The following CATSPERB variants were observed in gnomAD, a reference collection of about 807,000 sequenced individuals.
CATSPERB encodes the protein cation channel sperm-associated auxiliary subunit beta.
Under a neutral mutation model 128.3 loss-of-function variants are expected in CATSPERB, and 93 were observed. The observed-to-expected ratio is 0.72, with a 90% CI of 0.61 to 0.86. The LOEUF (loss-of-function observed/expected upper bound fraction) is 0.86, where lower values mean the gene tolerates loss of function less well. Ranked by LOEUF, CATSPERB falls within the 40% of genes least tolerant of loss-of-function variation. The pLI is 0.00. For synonymous variants in CATSPERB, 381 were observed against 448.8 expected, an observed-to-expected ratio of 0.85 and a Z score of 1.91; for missense variants, 1,153 against 1,329.5, an observed-to-expected ratio of 0.87 and a Z score of 2.06.
intron 5 of CATSPERB, among the ~76,000 whole-genome samples, chr14:91,713,397 G>T (rs1044657095): frequency 3.3e-5 from 5 of 152,060 alleles, no homozygotes; most frequent in African/African-American, 4.8e-5. Flanking sequence ...GAAATCAAAA[G>T]ATGTCTCTTT....
intron 19 of CATSPERB, among the ~76,000 whole-genome samples, chr14:91,618,513 A>T (rs1458701750): frequency 6.6e-6 from 1 of 152,206 alleles, no homozygotes; most frequent in Non-Finnish European, 1.5e-5. Flanking sequence ...CCTGCTTCTC[A>T]AATGCTAATC....
intron 14 of CATSPERB, among the ~76,000 whole-genome samples, chr14:91,668,458 A>G (rs1031785483): frequency 1.3e-5 from 2 of 152,066 alleles, no homozygotes; most frequent in African/African-American, 4.8e-5. Context: ...TGTAAAATGG[A>G]CCAATCAGTG....
At chr14:91,600,118 T>A (rs1477392583) in intron 22 of CATSPERB, among the ~76,000 whole-genome samples, 1 of 152,246 alleles carries the variant, frequency 6.6e-6, no homozygotes, top group Non-Finnish European at 1.5e-5. Flanking sequence ...TCAATTCTTT[T>A]GGATATATCT....
chr14:91,583,595 C>G (rs1893246413), intron 26 of CATSPERB, among the ~76,000 whole-genome samples: 1 of 152,196 alleles, frequency 6.6e-6, no homozygotes, highest in Non-Finnish European at 1.5e-5. Flanking sequence ...AAATATTCCA[C>G]ACCATTTCTA....
intron 10 of CATSPERB, among the ~76,000 whole-genome samples, chr14:91,686,922 G>T (rs8018473): frequency 0.032 from 4,794 of 151,748 alleles, 280 homozygotes; most frequent in African/African-American, 0.11. Flanking sequence ...CTTGTAGCTG[G>T]AAAAAAGAAA....
At chr14:91,669,786 C>T (rs755098101) in intron 14 of CATSPERB, 28 bp downstream of exon 14, 1 of 1,590,532 alleles carries the variant, frequency 6.3e-7, no homozygotes, top group Non-Finnish European at 8.6e-7. Context: ...TTAACTCTAA[C>T]ACAGACTGAA....
At chr14:91,630,523 T>C (rs1222201866) in intron 17 of CATSPERB, among the ~76,000 whole-genome samples, 1 of 152,234 alleles carries the variant, frequency 6.6e-6, no homozygotes, top group Non-Finnish European at 1.5e-5. Flanking sequence ...CCTGCACTTT[T>C]CGTCTCGGAA....
At chr14:91,688,210 G>C (rs1458450339) in intron 10 of CATSPERB, among the ~76,000 whole-genome samples, 1 of 152,098 alleles carries the variant, frequency 6.6e-6, no homozygotes, top group East Asian at 1.9e-4. Context: ...ATAATCTCTT[G>C]TCTGGAAATA....
chr14:91,630,083 G>T (rs988298087), intron 17 of CATSPERB, among the ~76,000 whole-genome samples: 1 of 152,146 alleles, frequency 6.6e-6, no homozygotes, highest in Admixed American at 6.5e-5. Flanking sequence ...CTACAGCCTA[G>T]AATGGTGCCA....
chr14:91,650,274 G>C (rs979638911), intron 15 of CATSPERB, among the ~76,000 whole-genome samples: 1 of 150,206 alleles, frequency 6.7e-6, no homozygotes, highest in African/African-American at 2.4e-5. Flanking sequence ...GAGTTTTATT[G>C]CTGCTTAAAA....
chr14:91,653,024 T>C (rs1372775920), intron 15 of CATSPERB, among the ~76,000 whole-genome samples: 2 of 152,136 alleles, frequency 1.3e-5, no homozygotes, highest in East Asian at 3.9e-4. Flanking sequence ...GAAGGACCAA[T>C]AGAGGAGATT....
At chr14:91,613,163 T>A (rs1386064990) in intron 20 of CATSPERB, among the ~76,000 whole-genome samples, 2 of 152,128 alleles carry the variant, frequency 1.3e-5, no homozygotes, top group African/African-American at 4.8e-5. Flanking sequence ...TATATTGAAG[T>A]ATGTGGGCAT....
At chr14:91,729,900 G>C (rs936615938) in intron 1 of CATSPERB, among the ~76,000 whole-genome samples, 1 of 152,162 alleles carries the variant, frequency 6.6e-6, no homozygotes, top group South Asian at 2.1e-4. Context: ...TTCTCGTTGA[G>C]TGTGCCAAGA....
At position 91,610,669 on chromosome 14, in the gene CATSPERB, A is replaced by G; in HGVS notation, c.2409T>C (p.Thr803=). The G allele has an allele frequency of 1.2e-6, 2 of 1,611,158 alleles. No homozygotes were observed. Among genetic ancestry groups the G allele is most frequent in the Non-Finnish European group, 1.7e-6 (2 of 1,177,766 alleles). ...AASKVLHQGS[T]SLAFIMWSAS... is the part of the protein sequence containing the mutation. ...CTGACCACATAATAAATGCCAGTGA[A>G]GTTGAACCCTGGAAATAACCAAATA... The change falls in exon 21 of 27, where the codon ACT becomes ACC. Residue 803 remains threonine, a synonymous_variant. Coordinates refer to ENST00000256343, the MANE Select transcript of CATSPERB (RefSeq NM_024764.4).
chr14:91,729,823 A>G (rs1896184432), intron 1 of CATSPERB, among the ~76,000 whole-genome samples: 3 of 152,186 alleles, frequency 2.0e-5, no homozygotes, highest in Admixed American at 2.0e-4. Flanking sequence ...GCTGTAACTT[A>G]ATCTAATATT....
At chr14:91,693,812 T>A (rs79754636) in intron 7 of CATSPERB, among the ~76,000 whole-genome samples, 1,995 of 152,278 alleles carry the variant, frequency 0.013, 17 homozygotes, top group Non-Finnish European at 0.02. Flanking sequence ...CACTTTAGTT[T>A]AAGGATTTTT....
At chr14:91,647,733 A>G (rs1234726297) in intron 15 of CATSPERB, among the ~76,000 whole-genome samples, 1 of 152,086 alleles carries the variant, frequency 6.6e-6, no homozygotes, top group Admixed American at 6.5e-5. Context: ...CCCCATGATT[A>G]AATTACCTCC....
intron 4 of CATSPERB, among the ~76,000 whole-genome samples, chr14:91,720,509 T>G (rs1298262796): frequency 6.6e-6 from 1 of 151,694 alleles, no homozygotes; most frequent in African/African-American, 2.4e-5. Context: ...GAATAAAATA[T>G]TAGAAATAAA....
intron 26 of CATSPERB, among the ~76,000 whole-genome samples, chr14:91,584,149 A>G (rs1893255931): frequency 6.6e-6 from 1 of 152,002 alleles, no homozygotes; most frequent in Non-Finnish European, 1.5e-5. Context: ...GCTCACTGCA[A>G]TCTCTGCCTC....
Sources: allele counts gnomAD v4.1 joint callset (sites outside exome capture counted in the v4.1 genomes callset), GRCh38; gene constraint gnomAD v4.1.1; transcripts MANE v1.5; gene names NCBI Gene and HGNC (gene_info 2026-07-23, HGNC 2026-07-21).